GLOD5: variants seen among roughly 807,000 people sequenced by gnomAD.
GLOD5 encodes the protein glyoxalase domain-containing protein 5.
In GLOD5, 7 loss-of-function variants were observed where a neutral mutation model predicts 9.9. That is an observed-to-expected ratio of 0.71 (90% CI 0.40 to 1.33). GLOD5 has a LOEUF of 1.33. Ranked by LOEUF, GLOD5 falls within the 40% of genes most tolerant of loss-of-function variation. The pLI is 0.01. For synonymous variants in GLOD5, 49 were observed against 47.3 expected, an observed-to-expected ratio of 1.04 and a Z score of -0.14; for missense variants, 146 against 128.4, an observed-to-expected ratio of 1.14 and a Z score of -0.66.
chrX:48,768,196 T>C (rs941353349), intron 2 of GLOD5, among the ~76,000 whole-genome samples: 1 of 112,383 alleles, frequency 8.9e-6, no homozygotes, highest in African/African-American at 3.2e-5. Context: ...TGTAGTATTA[T>C]GCAACATCAG....
chrX:48,769,852 T>TGCCTGTGG (rs1161880102), intron 2 of GLOD5, among the ~76,000 whole-genome samples: 1 of 107,116 alleles, frequency 9.3e-6, no homozygotes, highest in Non-Finnish European at 1.9e-5. Context: ...TGGTGGGGTG[T>TGCCTGTGG]GCCTGTGGTC....
chrX:48,764,554 T>TC (rs1212794921), intron 1 of GLOD5, among the ~76,000 whole-genome samples: 4 of 100,676 alleles, frequency 4.0e-5, no homozygotes, highest in Non-Finnish European at 8.1e-5. Context: ...AGAATCTTCT[T>TC]TTTTTTTTTT....
At chrX:48,762,068 G>A (rs1454500147) in intron 1 of GLOD5, among the ~76,000 whole-genome samples, 1 of 111,381 alleles carries the variant, frequency 9.0e-6, no homozygotes, top group Non-Finnish European at 1.9e-5. Context: ...GGCCGGGGCT[G>A]AGGGCTGGCT....
intron 3 of GLOD5, among the ~76,000 whole-genome samples, chrX:48,772,114 G>A (rs1273718087): frequency 1.8e-5 from 2 of 110,184 alleles, no homozygotes; most frequent in Non-Finnish European, 3.8e-5. Flanking sequence ...GTGCATGCCC[G>A]TAATCCTAGC....
At chrX:48,764,716 A>C (rs1378195246) in intron 1 of GLOD5, among the ~76,000 whole-genome samples, 10 of 108,943 alleles carry the variant, frequency 9.2e-5, no homozygotes, top group African/African-American at 3.3e-4. Context: ...CCTAATTTTC[A>C]TATTTTTTTG....
intron 2 of GLOD5, among the ~76,000 whole-genome samples, chrX:48,767,649 G>A (rs1360138759): frequency 9.0e-6 from 1 of 111,647 alleles, no homozygotes; most frequent in Non-Finnish European, 1.9e-5. Context: ...GGCGGAGGTT[G>A]CAGTGAGCCA....
At position 48,773,327 on chromosome X, in the gene GLOD5, TGAG is replaced by T; in HGVS notation, c.380_382del (p.Glu127del). 8.3e-7 allele frequency: 1 copy of T among 1,210,683 alleles called. No homozygotes were observed. The highest frequency in any genetic ancestry group is 3.0e-5 in the East Asian group (1 of 33,825). On this transcript the variant is annotated inframe_deletion, in exon 4 of 4. Coordinates refer to ENST00000303227, the MANE Select transcript of GLOD5 (RefSeq NM_001080489.3). ...CACTTCAGGCTTGTGATGTCCCTATTGAGGAGGGGCCAGTCCCCAGAACAGGGG... is the reference window on the plus strand; with the variant it reads ...CACTTCAGGCTTGTGATGTCCCTATTGAGGGGCCAGTCCCCAGAACAGGGG...
intron 1 of GLOD5, among the ~76,000 whole-genome samples, chrX:48,763,193 A>G (rs2062600586): frequency 8.9e-6 from 1 of 112,289 alleles, no homozygotes; most frequent in African/African-American, 3.2e-5. Flanking sequence ...AGAAGGAAGG[A>G]AATTATAACA....
rs782581497 is a variant in GLOD5, at chrX:48,765,965, C to A, written c.194C>A (p.Thr65Asn). 1 of 1,206,781 alleles carries A rather than the reference C, an allele frequency of 8.3e-7. No homozygotes were observed. Among genetic ancestry groups the A allele is most frequent in the Non-Finnish European group, 1.1e-6 (1 of 892,700 alleles). The stretch of plus-strand genomic sequence containing the variant: ...AAGATCCTGGGCATGGAGGTCATGA[C>A]TTTTAAGGTAAGCACTTCCCCAAAT... Reference protein sequence around the residue: ...YSKILGMEVMTFKEDRKALCF... With the variant: ...YSKILGMEVMNFKEDRKALCF... Residue 65 changes from threonine (T) to asparagine (N), a missense_variant, in exon 2 of 4, where the codon ACT becomes AAT. By Grantham distance (65) the Thr-to-Asn change is moderately conservative. Coordinates refer to ENST00000303227, the MANE Select transcript of GLOD5 (RefSeq NM_001080489.3).
chrX:48,767,582 C>T (rs782159631), intron 2 of GLOD5, among the ~76,000 whole-genome samples: 7 of 111,619 alleles, frequency 6.3e-5, no homozygotes, highest in Admixed American at 3.8e-4. Flanking sequence ...TGGTGGCGGG[C>T]GCCTGTAATC....
chrX:48,764,691 G>A (rs1256106083), intron 1 of GLOD5, among the ~76,000 whole-genome samples: 3 of 107,968 alleles, frequency 2.8e-5, no homozygotes, highest in African/African-American at 3.4e-5. Flanking sequence ...AGAACTACAC[G>A]TGAGCGCCCC....
At chrX:48,766,544 A>G (rs2062609490) in intron 2 of GLOD5, among the ~76,000 whole-genome samples, 2 of 110,281 alleles carry the variant, frequency 1.8e-5, no homozygotes, top group Admixed American at 9.7e-5. Flanking sequence ...TCAGGTCAGG[A>G]GTTTGAGACC....
intron 1 of GLOD5, 111 bp from the exon 2 acceptor site, chrX:48,765,724 G>T: frequency 2.3e-6 from 2 of 853,691 alleles, no homozygotes; most frequent in South Asian, 2.1e-5. Context: ...CCTTGAAGGG[G>T]GGTGAGGAGG....
At chrX:48,763,623 G>A (rs782413824) in intron 1 of GLOD5, among the ~76,000 whole-genome samples, 1 of 112,430 alleles carries the variant, frequency 8.9e-6, no homozygotes, top group South Asian at 3.7e-4. Flanking sequence ...AGTCCAGGAG[G>A]TTGAGGCTGC....
Position 48,764,555 on chromosome X carries a change from T to C in GLOD5, c.64-1280T>C, listed in dbSNP as rs12838097. On this transcript the variant is annotated intron_variant, in intron 1 of 3. Transcript: ENST00000303227. The stretch of plus-strand genomic sequence containing the variant: ...GTCAATCTGGTTCCAGAATCTTCTT[T>C]TTTTTTTTTTTTTTTAGATACAGTC... Among the ~76,000 whole-genome samples the C allele has an allele frequency of 6.1e-3, 642 of 105,355 alleles. 1 individual carries two copies. Among genetic ancestry groups the C allele is most frequent in the Non-Finnish European group, 9.3e-3 (476 of 50,928 alleles). 91.5% of individuals were successfully genotyped at this position (105,355 alleles called of 115,157 possible).
At chrX:48,765,760 G>A (rs1386451297) in intron 1 of GLOD5, 75 bp from the exon 2 acceptor site, 8 of 1,071,209 alleles carry the variant, frequency 7.5e-6, no homozygotes, top group African/African-American at 7.5e-5. Flanking sequence ...GGAGGTAGGG[G>A]GAGGTGAGGA....
At chrX:48,766,174 C>A in intron 2 of GLOD5, 3 of 397,309 alleles carry the variant, frequency 7.6e-6, no homozygotes, top group Non-Finnish European at 8.7e-6. Flanking sequence ...ATCATAGAAA[C>A]AATGCAAGAT....
intron 1 of GLOD5, among the ~76,000 whole-genome samples, chrX:48,763,797 G>T (rs1212009586): frequency 3.6e-5 from 4 of 112,598 alleles, no homozygotes; most frequent in African/African-American, 1.3e-4. Flanking sequence ...CAGTTCCTAT[G>T]TCCATGTGGA....
chrX:48,767,005 A>C (rs1399851823), intron 2 of GLOD5, among the ~76,000 whole-genome samples: 1 of 87,224 alleles, frequency 1.1e-5, no homozygotes, highest in African/African-American at 4.1e-5. Context: ...AAAAAAAAAA[A>C]CCAACATTGG....
Sources: gnomAD v4.1 joint callset for allele counts (sites outside exome capture counted in the v4.1 genomes callset) on GRCh38, gnomAD v4.1.1 for gene constraint, MANE v1.5 for transcripts, NCBI Gene and HGNC (gene_info 2026-07-23, HGNC 2026-07-21) for gene names.